Variants in SPATA24 observed in about 807,000 individuals in gnomAD.
SPATA24 encodes the protein spermatogenesis-associated protein 24.
In SPATA24, 21 loss-of-function variants were observed where a neutral mutation model predicts 28.9. The ratio of observed to expected loss-of-function variants is 0.73; its 90% CI spans 0.52 to 1.05. The LOEUF is 1.05. Ranked by LOEUF, SPATA24 falls within the 50% of genes least tolerant of loss-of-function variation. The pLI is 0.00. For synonymous variants in SPATA24, 76 were observed against 89.9 expected, an observed-to-expected ratio of 0.85 and a Z score of 0.88; for missense variants, 215 against 242.9, an observed-to-expected ratio of 0.88 and a Z score of 0.76.
At chr5:139,392,803 T>A, downstream of SPATA24, 1 of 1,495,772 alleles carries the variant, frequency 6.7e-7, no homozygotes, top group Middle Eastern at 1.7e-4. This position sits in a 1 kb window ranked among gnomAD's most constrained non-coding sequence, Gnocchi z 5.8. Flanking sequence ...TACATCCCTG[T>A]TCTCTCCTCC....
rs1053208131 is a variant in SPATA24, at chr5:139,403,874, A to G, written c.117+70T>C. The G allele has an allele frequency of 9.5e-5, 125 of 1,312,782 alleles. 2 individuals are homozygous for G. The South Asian group carries it at 1.4e-3, about 14-fold the overall frequency. 81.3% of individuals were successfully genotyped at this position (1,312,782 alleles called of 1,614,324 possible). ...CTAGCCACGGCCCCCGCATCGGAAC[A>G]GGTTCTGGCCCCGCCCCCACCAGTG... is the stretch of plus-strand genomic sequence containing the variant. On this transcript the variant is annotated intron_variant, in intron 1 of 5. Transcript: ENST00000450845.
rs997592229 is a variant in SPATA24 at position 139,401,900 on chromosome 5, C to T, written c.314+15G>A. Reference sequence around the variant, plus strand: ...CATCCCCCAAACCCCACACCCCGTACTGAGGCCCACTCACGCTTTTTCAAA... The same window carrying T: ...CATCCCCCAAACCCCACACCCCGTATTGAGGCCCACTCACGCTTTTTCAAA... On this transcript the variant is annotated intron_variant, in intron 3 of 5. Coordinates refer to ENST00000450845, the MANE Select transcript of SPATA24 (RefSeq NM_194296.2). 2 of 1,551,346 alleles carry T rather than the reference C, an allele frequency of 1.3e-6. No homozygotes were observed. The highest frequency in any genetic ancestry group is 2.7e-5 in the African/African-American group (2 of 73,020).
At chr5:139,394,029 C>T (rs747376401), downstream of SPATA24, 6 of 1,550,770 alleles carry the variant, frequency 3.9e-6, no homozygotes, top group Non-Finnish European at 5.2e-6. Flanking sequence ...TCCGCGCCTC[C>T]TGGATCTTCT....
intron 4 of SPATA24, among the ~76,000 whole-genome samples, chr5:139,398,339 A>G (rs1368262791): frequency 2.0e-5 from 3 of 151,618 alleles, no homozygotes; most frequent in Non-Finnish European, 4.4e-5. Context: ...AGGCAGGAGG[A>G]TGGCTTGAGC....
At chr5:139,393,202 A>G, downstream of SPATA24, 1 of 1,549,630 alleles carries the variant, frequency 6.5e-7, no homozygotes, top group Middle Eastern at 1.7e-4. Context: ...CAACTTGCGC[A>G]CGTCTCGAGG....
At chr5:139,394,662 G>A (rs1358002504), downstream of SPATA24, 23 of 1,534,966 alleles carry the variant, frequency 1.5e-5, no homozygotes, top group Non-Finnish European at 1.8e-5. Context: ...AGGGGCTGAT[G>A]AAGGCCGGCT....
downstream of SPATA24, chr5:139,394,512 C>T (rs1758660014): frequency 6.9e-7 from 1 of 1,448,372 alleles, no homozygotes; most frequent in Non-Finnish European, 9.0e-7. Flanking sequence ...CCAGAGCCAC[C>T]TCCACACACT....
At chr5:139,400,193 C>T (rs751728958) in intron 4 of SPATA24, among the ~76,000 whole-genome samples, 1 of 152,178 alleles carries the variant, frequency 6.6e-6, no homozygotes, top group Non-Finnish European at 1.5e-5. Context: ...CAAGGCTCCA[C>T]ATGGGAGCCC....
At chr5:139,394,355 G>T (rs1758657111), downstream of SPATA24, 3 of 1,422,270 alleles carry the variant, frequency 2.1e-6, no homozygotes, top group Admixed American at 3.1e-5. Context: ...GCCTGCAGGG[G>T]GCCCAGCGAC....
At chr5:139,393,720 G>A, downstream of SPATA24, 4 of 1,551,254 alleles carry the variant, frequency 2.6e-6, no homozygotes, top group Non-Finnish European at 3.5e-6. Context: ...GGATCGGAGG[G>A]GAAGGGCTTC....
At chr5:139,399,133 C>T (rs1036317362) in intron 4 of SPATA24, among the ~76,000 whole-genome samples, 1 of 151,634 alleles carries the variant, frequency 6.6e-6, no homozygotes, top group African/African-American at 2.4e-5. Context: ...CTGGCTAACA[C>T]GGTGAAACCT....
chr5:139,402,465 A>T (rs542523264), intron 2 of SPATA24, among the ~76,000 whole-genome samples, 163 bp downstream of exon 2: 6 of 151,722 alleles, frequency 4.0e-5, no homozygotes, highest in Non-Finnish European at 2.9e-5. Context: ...CTGGTCTCGA[A>T]CTCCTGACCT....
downstream of SPATA24, chr5:139,393,989 G>A (rs530924389): frequency 1.3e-6 from 2 of 1,550,618 alleles, no homozygotes; most frequent in African/African-American, 2.7e-5. Context: ...TGAACAGTTC[G>A]ATCCGGCGCC....
downstream of SPATA24, chr5:139,393,768 T>C (rs980529255): frequency 3.4e-5 from 53 of 1,551,284 alleles, no homozygotes; most frequent in Non-Finnish European, 4.1e-5. Flanking sequence ...GATTTTGATT[T>C]TCCCACTCGG....
At position 139,402,745 on chromosome 5, in the gene SPATA24, C is replaced by T; in HGVS notation, c.118-52G>A. 4 of 1,432,030 alleles carry T rather than the reference C, an allele frequency of 2.8e-6. No homozygotes were observed. The East Asian group carries it at 7.4e-5, about 27-fold the overall frequency. The allele number at this position is 1,432,030 out of a possible 1,614,324, so 88.7% of individuals were successfully genotyped here. A position where few individuals can be genotyped will look rare whatever the true frequency, so the allele number is the denominator to read the frequency against. On this transcript the variant is annotated intron_variant, in intron 1 of 5. Transcript: ENST00000450845. ...GCCTGGGGCTGGAGTAGAAGGGGCG[C>T]CCTCTAGGGACCAGGACCAAAAGCG...
At chr5:139,399,863 C>T (rs1290638931) in intron 4 of SPATA24, among the ~76,000 whole-genome samples, 1 of 152,184 alleles carries the variant, frequency 6.6e-6, no homozygotes, top group Non-Finnish European at 1.5e-5. Flanking sequence ...ATCCAAAGCC[C>T]CGTGAGCTTG....
downstream of SPATA24, chr5:139,394,285 G>C (rs1758655116): frequency 1.3e-6 from 2 of 1,529,472 alleles, no homozygotes; most frequent in Admixed American, 2.1e-5. Flanking sequence ...GGCGCTGCTC[G>C]GGGCCGGGGC....
chr5:139,403,216 C>T (rs1758860664), intron 1 of SPATA24, among the ~76,000 whole-genome samples: 1 of 152,164 alleles, frequency 6.6e-6, no homozygotes, highest in Admixed American at 6.5e-5. Flanking sequence ...ATTAGGGTAG[C>T]AAATAGGACA....
At chr5:139,398,015 T>C (rs1284515734) in intron 4 of SPATA24, among the ~76,000 whole-genome samples, 3 of 152,252 alleles carry the variant, frequency 2.0e-5, no homozygotes, top group African/African-American at 7.2e-5. Context: ...ATAGTAGGTA[T>C]ACAAAAAGTA....
Sources: allele counts gnomAD v4.1 joint callset (sites outside exome capture counted in the v4.1 genomes callset), GRCh38; gene constraint gnomAD v4.1.1; non-coding constraint Gnocchi (gnomAD v3.1); transcripts MANE v1.5; gene names NCBI Gene and HGNC (gene_info 2026-07-23, HGNC 2026-07-21).